PRKN: variants seen among roughly 807,000 people sequenced by gnomAD.
PRKN encodes the protein parkin RBR E3 ubiquitin protein ligase, also known as E3 ubiquitin-protein ligase parkin.
Under a neutral mutation model 59.5 loss-of-function variants are expected in PRKN, and 56 were observed. The ratio of observed to expected loss-of-function variants is 0.94; its 90% CI spans 0.76 to 1.18. The LOEUF (loss-of-function observed/expected upper bound fraction) is 1.18, where lower values mean the gene tolerates loss of function less well. Ranked by LOEUF, PRKN falls within the 50% of genes most tolerant of loss-of-function variation. The pLI is 0.00. For synonymous variants in PRKN, 250 were observed against 222.1 expected (o/e 1.13, Z -1.12); for missense variants, 657 against 596.4 (o/e 1.10, Z -1.06).
rs1272762035 is a variant in PRKN, at chr6:161,582,999, CACACACACACACACACACACACAT to C, written c.872-13607_872-13584del. Among the ~76,000 whole-genome samples, 318 of 144,722 alleles carry C rather than the reference CACACACACACACACACACACACAT, an allele frequency of 2.2e-3. 4 individuals are homozygous for C. Among genetic ancestry groups the C allele is most frequent in the African/African-American group, 7.3e-3 (292 of 39,848 alleles). 94.9% of individuals were successfully genotyped at this position (144,722 alleles called of 152,430 possible). ...ACACACACACACACACACACACACA[CACACACACACACACACACACACAT>C]ACACATTTTGTAAGATCTTGAAAAC... On this transcript the variant is annotated intron_variant, in intron 7 of 11. Transcript: ENST00000366898. The surrounding 1 kb of genome is among the most constrained non-coding windows in gnomAD (Gnocchi z 4.4).
Position 161,813,369 on chromosome 6 carries a change from G to A in PRKN, c.735-27461C>T, listed in dbSNP as rs150338701. ...CAGCCTCACCGGGCTGCGGCGAGGC[G>A]GTGCAGTATCTGTGGACAGCTTCTG... On this transcript the variant is annotated intron_variant, in intron 6 of 11. Transcript: ENST00000366898. Among the ~76,000 whole-genome samples the A allele has an allele frequency of 1.8e-4, 27 of 152,238 alleles. No individual in the cohort carries two copies. The South Asian group carries it at 2.1e-3, about 12-fold the overall frequency.
At chr6:161,809,952 A>C (rs1791494040) in intron 6 of PRKN, among the ~76,000 whole-genome samples, 1 of 152,242 alleles carries the variant, frequency 6.6e-6, no homozygotes, top group African/African-American at 2.4e-5. Context: ...AACTTTTAAA[A>C]ATGTGTTTAA....
chr6:161,437,543 G>A (rs373787253), intron 9 of PRKN, among the ~76,000 whole-genome samples: 5 of 152,286 alleles, frequency 3.3e-5, no homozygotes, highest in South Asian at 4.1e-4. Flanking sequence ...GACTGGTGGC[G>A]TGGATGCCAC....
intron 4 of PRKN, among the ~76,000 whole-genome samples, chr6:162,099,952 C>A (rs183078100): frequency 1.3e-5 from 2 of 152,342 alleles, no homozygotes; most frequent in Non-Finnish European, 2.9e-5. Flanking sequence ...CAGCCCCTGG[C>A]AACCAGCATT....
rs1181325958 is a variant in PRKN at position 161,470,416 on chromosome 6, C to T, written c.1083+78438G>A. ...GGTTTTCCTCTAGGTAGAAGGAACTCCCATTATGAACACTCAAGAGTAATT... is the reference window on the plus strand; with the variant it reads ...GGTTTTCCTCTAGGTAGAAGGAACTTCCATTATGAACACTCAAGAGTAATT... On this transcript the variant is annotated intron_variant, in intron 9 of 11. Transcript: ENST00000366898. This position sits in a 1 kb window ranked among gnomAD's most constrained non-coding sequence, Gnocchi z 5.1. Among the ~76,000 whole-genome samples the T allele has an allele frequency of 1.3e-5, 2 of 152,156 alleles. No homozygotes were observed. Among genetic ancestry groups the T allele is most frequent in the Non-Finnish European group, 2.9e-5 (2 of 68,022 alleles).
chr6:161,440,097 C>G lies in PRKN; in HGVS notation c.1084-53220G>C, dbSNP rs889972472. 1.6e-4 allele frequency among the ~76,000 whole-genome samples: 25 copies of G among 151,850 alleles called. No individual in the cohort carries two copies. The highest frequency in any genetic ancestry group is 6.0e-4 in the African/African-American group (25 of 41,400). On this transcript the variant is annotated intron_variant, in intron 9 of 11. Transcript: ENST00000366898. This position sits in a 1 kb window ranked among gnomAD's most constrained non-coding sequence, Gnocchi z 4.1. Reference sequence around the variant, plus strand: ...TCCTGAGTAGCTGGGACTACAGGCGCCCACCACCACGCCCGGCTAATTTTT... The same window carrying G: ...TCCTGAGTAGCTGGGACTACAGGCGGCCACCACCACGCCCGGCTAATTTTT...
chr6:161,651,882 A>G (rs1784161363), intron 7 of PRKN, among the ~76,000 whole-genome samples: 1 of 152,200 alleles, frequency 6.6e-6, no homozygotes. Flanking sequence ...GTGTTCCTCC[A>G]TTATATAATA....
chr6:162,402,450 G>T (rs12662676), intron 2 of PRKN, among the ~76,000 whole-genome samples: 2 of 151,630 alleles, frequency 1.3e-5, no homozygotes, highest in East Asian at 3.9e-4. Context: ...ACTCCCTCAC[G>T]GTAAAACAAA....
At chr6:162,527,320 A>G (rs1195129348) in intron 1 of PRKN, among the ~76,000 whole-genome samples, 1 of 152,226 alleles carries the variant, frequency 6.6e-6, no homozygotes, top group Non-Finnish European at 1.5e-5. Flanking sequence ...TGCATTTTAA[A>G]TTCGCACATA....
At chr6:161,908,843 A>C (rs931987152) in intron 6 of PRKN, among the ~76,000 whole-genome samples, 1 of 152,266 alleles carries the variant, frequency 6.6e-6, no homozygotes, top group Admixed American at 6.5e-5. Flanking sequence ...GAAAAATATA[A>C]ACTGTAACTC....
intron 4 of PRKN, among the ~76,000 whole-genome samples, chr6:162,118,210 G>A (rs1005788512): frequency 1.3e-5 from 2 of 152,014 alleles, no homozygotes; most frequent in Admixed American, 6.6e-5. Flanking sequence ...AGGAGATCAA[G>A]ACCATCCTGG....
chr6:162,492,956 CAAAAA>C, intron 1 of PRKN, among the ~76,000 whole-genome samples: 1 of 110,322 alleles, frequency 9.1e-6, no homozygotes, highest in East Asian at 2.9e-4. Context: ...TTGTCTCAAA[CAAAAA>C]AAAAAAAAAA....
intron 6 of PRKN, among the ~76,000 whole-genome samples, chr6:161,932,751 C>T (rs1283249997): frequency 2.0e-5 from 3 of 151,540 alleles, no homozygotes; most frequent in African/African-American, 7.3e-5. Context: ...GCTGAAATAG[C>T]AATTATAGTT....
chr6:162,443,483 GA>G lies in PRKN; in HGVS notation c.8-11del. 6.2e-7 allele frequency: 1 copy of G among 1,613,772 alleles called. No individual in the cohort carries two copies. Among genetic ancestry groups the G allele is most frequent in the Non-Finnish European group, 8.5e-7 (1 of 1,179,690 alleles). On this transcript the variant is annotated splice_polypyrimidine_tract_variant and intron_variant, in intron 1 of 11. Coordinates refer to ENST00000366898, the MANE Select transcript of PRKN (RefSeq NM_004562.3). ...TTGAACCTGACAAACACTGACCAAG[GA>G]AATTGGAAGGGAGAAGAGAAAGTGA...
Position 161,357,442 on chromosome 6 carries a change from T to A in PRKN, c.1285+2646A>T, listed in dbSNP as rs1445621700. ...AGGCATGGACCCCAGACCTGCTGGG[T>A]AAATTCTCCACCTGCCGTGCCTGTG... On this transcript the variant is annotated intron_variant, in intron 11 of 11. Coordinates refer to ENST00000366898, the MANE Select transcript of PRKN (RefSeq NM_004562.3). This position sits in a 1 kb window ranked among gnomAD's most constrained non-coding sequence, Gnocchi z 5.5. Among the ~76,000 whole-genome samples the A allele has an allele frequency of 6.6e-6, 1 of 152,210 alleles. No homozygotes were observed. The highest frequency in any genetic ancestry group is 1.5e-5 in the Non-Finnish European group (1 of 68,042).
intron 9 of PRKN, among the ~76,000 whole-genome samples, chr6:161,522,378 C>A (rs1778862813): frequency 6.6e-6 from 1 of 152,120 alleles, no homozygotes; most frequent in African/African-American, 2.4e-5. Flanking sequence ...TCCATTAAAT[C>A]AAGAAAAACA....
At chr6:162,130,083 A>G (rs113422232) in intron 4 of PRKN, among the ~76,000 whole-genome samples, 1,824 of 152,212 alleles carry the variant, frequency 0.012, 27 homozygotes, top group African/African-American at 0.042. Flanking sequence ...GCTCCATCTT[A>G]TTGTACAGAC....
At chr6:162,007,893 A>G (rs182689593) in intron 5 of PRKN, among the ~76,000 whole-genome samples, 139 of 152,288 alleles carry the variant, frequency 9.1e-4, no homozygotes, top group Non-Finnish European at 1.5e-3. Flanking sequence ...CTCTATTTAC[A>G]TGTCATTCCA....
intron 1 of PRKN, among the ~76,000 whole-genome samples, chr6:162,459,131 T>C (rs796446921): frequency 6.6e-6 from 1 of 152,088 alleles, no homozygotes; most frequent in South Asian, 2.1e-4. Context: ...GAAATAAACG[T>C]TTTTATTGTG....
Sources: gnomAD v4.1 joint callset for allele counts (sites outside exome capture counted in the v4.1 genomes callset) on GRCh38, gnomAD v4.1.1 for gene constraint, Gnocchi (gnomAD v3.1) non-coding constraint, MANE v1.5 for transcripts, NCBI Gene and HGNC (gene_info 2026-07-23, HGNC 2026-07-21) for gene names.